Variants in CNTN6 observed in about 807,000 individuals in gnomAD.
CNTN6 encodes the protein contactin-6.
Under a neutral mutation model 122.8 loss-of-function variants are expected in CNTN6, and 137 were observed. The observed-to-expected ratio is 1.12, with a 90% CI of 0.97 to 1.29. The LOEUF is 1.29. Ranked by LOEUF, CNTN6 falls within the 50% of genes most tolerant of loss-of-function variation. CNTN6 has a pLI of 0.00. For missense variants in CNTN6, 1,634 were observed against 1,223.4 expected, an observed-to-expected ratio of 1.34 and a Z score of -5.01; for synonymous variants, 570 against 426.0, an observed-to-expected ratio of 1.34 and a Z score of -4.16.
intron 7 of CNTN6, among the ~76,000 whole-genome samples, chr3:1,309,409 T>A (rs542355659): frequency 6.6e-6 from 1 of 152,336 alleles, no homozygotes; most frequent in East Asian, 1.9e-4. Flanking sequence ...TGTATTGCGT[T>A]TGCTCCTTTG....
Position 1,383,423 on chromosome 3 carries a change from T to C in CNTN6, c.2517+15T>C. ...TGGGCTATGAGGTAATCCACATTAA[T>C]TTCACTTTTGCTTATGAATGTGCCA... On this transcript the variant is annotated intron_variant, in intron 19 of 22. Coordinates refer to ENST00000446702, the MANE Select transcript of CNTN6 (RefSeq NM_001289080.2). 6.2e-7 allele frequency: 1 copy of C among 1,603,426 alleles called. No homozygotes were observed. Among genetic ancestry groups the C allele is most frequent in the Non-Finnish European group, 8.5e-7 (1 of 1,170,560 alleles).
chr3:1,278,004 T>C (rs940173893), intron 4 of CNTN6, among the ~76,000 whole-genome samples: 9 of 152,210 alleles, frequency 5.9e-5, no homozygotes, highest in South Asian at 2.1e-4. Context: ...TAAATTCTCA[T>C]AGATGCCAGT....
chr3:1,159,522 C>A (rs1284004013), intron 2 of CNTN6, among the ~76,000 whole-genome samples: 1 of 152,012 alleles, frequency 6.6e-6, no homozygotes, highest in Non-Finnish European at 1.5e-5. Context: ...ACTGGGGAAA[C>A]TGAAACCACA....
rs528750115 is a variant in CNTN6, at chr3:1,357,833, A to C, written c.1492+5382A>C. Among the ~76,000 whole-genome samples the C allele has an allele frequency of 6.6e-5, 10 of 151,408 alleles. No individual in the cohort carries two copies. In the South Asian group the frequency reaches 2.1e-3, roughly 32 times the overall value. On this transcript the variant is annotated intron_variant, in intron 12 of 22. Transcript: ENST00000446702. ...TATTTATGTGCATTTACATTTTATT[A>C]TATGTAAATTTTACATAAATGCACA...
intron 5 of CNTN6, among the ~76,000 whole-genome samples, chr3:1,286,128 G>A (rs1462783964): frequency 6.6e-6 from 1 of 152,182 alleles, no homozygotes; most frequent in Admixed American, 6.5e-5. Context: ...TAGAAGTCAG[G>A]ATTTTCCAAC....
intron 2 of CNTN6, among the ~76,000 whole-genome samples, chr3:1,207,345 T>C (rs1285608774): frequency 6.6e-6 from 1 of 152,130 alleles, no homozygotes; most frequent in Non-Finnish European, 1.5e-5. Flanking sequence ...AGATCTAGAA[T>C]CCAATTATTA....
intron 1 of CNTN6, among the ~76,000 whole-genome samples, chr3:1,126,866 A>G (rs2092179917): frequency 6.6e-6 from 1 of 151,836 alleles, no homozygotes; most frequent in Non-Finnish European, 1.5e-5. Flanking sequence ...ATAGAAAGAA[A>G]GTCATCTGGA....
chr3:1,362,153 C>T (rs1289202488), intron 12 of CNTN6, among the ~76,000 whole-genome samples: 8 of 152,084 alleles, frequency 5.3e-5, no homozygotes, highest in Non-Finnish European at 1.5e-5. Context: ...CAATTCATAT[C>T]AGTTTCGGAC....
chr3:1,362,474 A>T (rs759749977), intron 12 of CNTN6, among the ~76,000 whole-genome samples: 4 of 152,124 alleles, frequency 2.6e-5, no homozygotes, highest in Non-Finnish European at 4.4e-5. Context: ...TAAAACTCCA[A>T]TGGAAGTTCT....
chr3:1,150,826 A>G (rs374299907), intron 2 of CNTN6, among the ~76,000 whole-genome samples: 2 of 152,178 alleles, frequency 1.3e-5, no homozygotes, highest in East Asian at 3.9e-4. Flanking sequence ...AGATTAAAAT[A>G]GCCCTGGACT....
At chr3:1,193,244 G>A (rs1320346904) in intron 2 of CNTN6, among the ~76,000 whole-genome samples, 1 of 152,106 alleles carries the variant, frequency 6.6e-6, no homozygotes, top group Non-Finnish European at 1.5e-5. Context: ...GTGTGACACA[G>A]CTTGCCATTT....
At chr3:1,376,943 T>A in intron 16 of CNTN6, 62 bp from the exon 17 acceptor site, 1 of 1,145,054 alleles carries the variant, frequency 8.7e-7, no homozygotes, top group South Asian at 1.4e-5. Flanking sequence ...AAAAACAAAA[T>A]TCTTCCTGAT....
At chr3:1,286,529 A>G (rs912601089) in intron 5 of CNTN6, among the ~76,000 whole-genome samples, 4 of 152,140 alleles carry the variant, frequency 2.6e-5, no homozygotes, top group African/African-American at 9.7e-5. Context: ...ACATGAACTC[A>G]TCCTTTTTTA....
intron 4 of CNTN6, among the ~76,000 whole-genome samples, chr3:1,233,708 C>T (rs34565844): frequency 8.5e-6 from 1 of 117,954 alleles, no homozygotes; most frequent in South Asian, 2.7e-4. Context: ...ACACTCCAGT[C>T]TGGGCAACAG....
intron 2 of CNTN6, among the ~76,000 whole-genome samples, chr3:1,193,293 C>T (rs186561606): frequency 4.6e-5 from 7 of 152,214 alleles, no homozygotes; most frequent in Admixed American, 4.6e-4. Flanking sequence ...AGCTAACCAG[C>T]ATTAAGTGGA....
At chr3:1,098,174 A>G (rs2090638214) in intron 1 of CNTN6, among the ~76,000 whole-genome samples, 1 of 152,110 alleles carries the variant, frequency 6.6e-6, no homozygotes, top group African/African-American at 2.4e-5. Context: ...AGCATGTCAC[A>G]TGTATACATA....
At chr3:1,180,828 G>A (rs979557255) in intron 2 of CNTN6, among the ~76,000 whole-genome samples, 4 of 152,140 alleles carry the variant, frequency 2.6e-5, no homozygotes, top group Admixed American at 6.6e-5. Context: ...GGATAACAAC[G>A]CCTCCCTCAT....
Position 1,362,202 on chromosome 3 carries a change from G to C in CNTN6, c.1492+9751G>C, listed in dbSNP as rs1707565866. Among the ~76,000 whole-genome samples, 5 of 152,176 alleles carry C rather than the reference G, an allele frequency of 3.3e-5. No homozygotes were observed. The South Asian group carries it at 8.3e-4, about 25-fold the overall frequency. ...TTTTTATAATTGCATGCTTGAAAAA[G>C]TAAATCTTCCCGGTACAAATATAAC... is the stretch of plus-strand genomic sequence containing the variant. On this transcript the variant is annotated intron_variant, in intron 12 of 22. Coordinates refer to ENST00000446702, the MANE Select transcript of CNTN6 (RefSeq NM_001289080.2).
chr3:1,112,268 A>G (rs1411984573), intron 1 of CNTN6, among the ~76,000 whole-genome samples: 4 of 152,194 alleles, frequency 2.6e-5, no homozygotes, highest in African/African-American at 9.6e-5. Context: ...TCAGTTAAGT[A>G]TGTGTATAGC....
Sources: allele counts gnomAD v4.1 joint callset (sites outside exome capture counted in the v4.1 genomes callset), GRCh38; gene constraint gnomAD v4.1.1; transcripts MANE v1.5; gene names NCBI Gene and HGNC (gene_info 2026-07-23, HGNC 2026-07-21).